The following LRBA variants were observed in gnomAD, a reference collection of about 807,000 sequenced individuals.
LRBA encodes the protein lipopolysaccharide-responsive and beige-like anchor protein.
Under a neutral mutation model 330.0 loss-of-function variants are expected in LRBA, and 176 were observed. The ratio of observed to expected loss-of-function variants is 0.53; its 90% CI spans 0.47 to 0.60. LRBA has a LOEUF of 0.60. Among genes scored for constraint, LRBA ranks in the 20% least tolerant of loss-of-function variants. The pLI is 0.00. For missense variants in LRBA, 3,259 were observed against 3,444.8 expected (o/e 0.95, Z 1.35); for synonymous variants, 1,230 against 1,193.0 (o/e 1.03, Z -0.64).
intron 53 of LRBA, among the ~76,000 whole-genome samples, chr4:150,300,303 C>T (rs1292984216): frequency 6.6e-6 from 1 of 151,986 alleles, no homozygotes; most frequent in Non-Finnish European, 1.5e-5. Flanking sequence ...AGTCAAGATA[C>T]ATTACAATTT....
At chr4:150,935,389 C>G (rs1734988134) in intron 2 of LRBA, among the ~76,000 whole-genome samples, 1 of 151,918 alleles carries the variant, frequency 6.6e-6, no homozygotes, top group Admixed American at 6.6e-5. Flanking sequence ...TTTAAAACAA[C>G]ATTTCTGATA....
intron 2 of LRBA, among the ~76,000 whole-genome samples, chr4:150,945,650 A>G (rs1736159792): frequency 6.6e-6 from 1 of 152,208 alleles, no homozygotes; most frequent in African/African-American, 2.4e-5. Flanking sequence ...GTATATTAAC[A>G]TCATATATAA....
intron 36 of LRBA, among the ~76,000 whole-genome samples, chr4:150,700,341 T>C (rs1409279491): frequency 1.3e-5 from 2 of 152,166 alleles, no homozygotes; most frequent in Non-Finnish European, 2.9e-5. Context: ...TTAAATGTTG[T>C]AGGCAACTAT....
rs1753584820 is a variant in LRBA, at chr4:150,872,770, A to G, written c.2166-15T>C. 7.3e-7 allele frequency: 1 copy of G among 1,363,646 alleles called. No individual in the cohort carries two copies. The highest frequency in any genetic ancestry group is 1.3e-5 in the South Asian group (1 of 79,184). 84.5% of individuals were successfully genotyped at this position (1,363,646 alleles called of 1,614,324 possible). ...TGTAGATAACACTGAATGAATAAAAATTTAAAACAAACTATTTTGAGTATA... is the reference window on the plus strand; with the variant it reads ...TGTAGATAACACTGAATGAATAAAAGTTTAAAACAAACTATTTTGAGTATA... On this transcript the variant is annotated splice_polypyrimidine_tract_variant and intron_variant, in intron 17 of 56. Transcript: ENST00000651943.
In LRBA at chr4:150,906,352, T is replaced by G; in HGVS notation, c.1547A>C (p.Gln516Pro). 1.2e-6 allele frequency: 2 copies of G among 1,612,920 alleles called. No homozygotes were observed. The highest frequency in any genetic ancestry group is 1.7e-6 in the Non-Finnish European group (2 of 1,179,130). The stretch of plus-strand genomic sequence containing the variant: ...GCCCTTACAGGCAAGCATCTGTTCC[T>G]GCATAGCAATTGAGTTCTTCAACAA... ...MELLKNSIAM[Q>P]EQMLACKGFL... The change falls in exon 12 of 57, where the codon CAG becomes CCG. Residue 516 changes from glutamine to proline, a missense_variant. Gln to Pro is a moderately conservative substitution (Grantham distance 76). Coordinates refer to ENST00000651943, the MANE Select transcript of LRBA (RefSeq NM_001364905.1).
In LRBA at chr4:150,852,586, T is replaced by G; in HGVS notation, c.3124A>C (p.Thr1042Pro). ...ACTTCTAAATCATCTGCATTCCTTG[T>G]CTCATTTGTCAGTGTTTCTTCCAAA... The part of the protein sequence containing the change: ...GTLEETLTNE[T>P]RNADDLEVSS... The change falls in exon 23 of 57, where the codon ACA (threonine) becomes CCA (proline). Residue 1042 changes from threonine to proline, a missense_variant. Coordinates refer to ENST00000651943, the MANE Select transcript of LRBA (RefSeq NM_001364905.1). 1.2e-6 allele frequency: 2 copies of G among 1,614,006 alleles called. No individual in the cohort carries two copies. The highest frequency in any genetic ancestry group is 1.7e-6 in the Non-Finnish European group (2 of 1,179,992).
Position 150,653,074 on chromosome 4 carries a change from G to A in LRBA, c.5921+30477C>T, listed in dbSNP as rs997772161. Among the ~76,000 whole-genome samples the A allele has an allele frequency of 2.0e-5, 3 of 152,210 alleles. No individual in the cohort carries two copies. In the South Asian group the frequency reaches 6.2e-4, roughly 32 times the overall value. ...TTAAAAAGAACTGGCCAGGCATGGT[G>A]GCTCACAGCTGTAATTCCAGCACTT... On this transcript the variant is annotated intron_variant, in intron 37 of 56. Coordinates refer to ENST00000651943, the MANE Select transcript of LRBA (RefSeq NM_001364905.1).
Position 151,012,046 on chromosome 4 carries a change from A to AT in LRBA, c.216+2380dup, listed in dbSNP as rs1744915673. 4.6e-5 allele frequency among the ~76,000 whole-genome samples: 7 copies of AT among 152,264 alleles called. No individual in the cohort carries two copies. In the South Asian group the frequency reaches 1.5e-3, roughly 32 times the overall value. On this transcript the variant is annotated intron_variant, in intron 2 of 56. Transcript: ENST00000651943. ...AGCATGAAAAGTATTTTAAGGGACA[A>AT]TGGAAGGGGAGAAACTGCTACCTAA...
intron 9 of LRBA, 89 bp from the exon 10 acceptor site, chr4:150,908,946 A>G: frequency 5.0e-6 from 4 of 801,396 alleles, no homozygotes; most frequent in East Asian, 2.6e-5. Context: ...AAGGAGACAG[A>G]CCATTGATAA....
chr4:150,805,464 A>G (rs1339330448), intron 33 of LRBA, among the ~76,000 whole-genome samples: 7 of 130,510 alleles, frequency 5.4e-5, no homozygotes, highest in Non-Finnish European at 1.2e-4. Flanking sequence ...AAAGGAAAGG[A>G]AAGGAAAGGA....
At chr4:150,436,436 T>C (rs998924277) in intron 45 of LRBA, among the ~76,000 whole-genome samples, 1 of 152,172 alleles carries the variant, frequency 6.6e-6, no homozygotes, top group Non-Finnish European at 1.5e-5. Context: ...ACTTAGTTCT[T>C]ATTTTAATAG....
intron 2 of LRBA, among the ~76,000 whole-genome samples, chr4:151,009,035 A>AT (rs747177449): frequency 0.014 from 1,119 of 82,512 alleles, 30 homozygotes; most frequent in Middle Eastern, 0.041. Context: ...ATAAAATGGT[A>AT]TTTTTTTTTC....
chr4:150,713,798 A>C (rs188632763), intron 36 of LRBA, among the ~76,000 whole-genome samples: 1 of 152,342 alleles, frequency 6.6e-6, no homozygotes, highest in East Asian at 1.9e-4. Context: ...CAATGCTAAC[A>C]GTGAAATAGA....
intron 37 of LRBA, among the ~76,000 whole-genome samples, chr4:150,662,303 G>A (rs1361288293): frequency 6.6e-6 from 1 of 152,176 alleles, no homozygotes; most frequent in Non-Finnish European, 1.5e-5. Flanking sequence ...ATTCGCAGAG[G>A]ATGACAGGTA....
At chr4:150,867,568 G>T (rs1471071262) in intron 22 of LRBA, 103 bp downstream of exon 22, 4 of 771,114 alleles carry the variant, frequency 5.2e-6, no homozygotes, top group Non-Finnish European at 6.0e-6. Flanking sequence ...AAGATAACTT[G>T]CCTTTTTTCC....
intron 34 of LRBA, among the ~76,000 whole-genome samples, chr4:150,779,852 T>G (rs918917052): frequency 7.9e-5 from 12 of 152,148 alleles, no homozygotes; most frequent in Admixed American, 5.9e-4. Flanking sequence ...TACACCAGTT[T>G]AAAAGAATAA....
intron 34 of LRBA, among the ~76,000 whole-genome samples, chr4:150,786,708 AT>A (rs572490558): frequency 1.3e-5 from 2 of 152,312 alleles, no homozygotes; most frequent in South Asian, 4.1e-4. Context: ...GACCAAAAAA[AT>A]ATGTTTAAAA....
At chr4:150,423,590 A>G (rs1405776999) in intron 46 of LRBA, 1 of 338,988 alleles carries the variant, frequency 2.9e-6, no homozygotes, top group East Asian at 7.7e-5. Flanking sequence ...CTGCTTGCCC[A>G]CAAAAGGAGA....
Position 150,828,517 on chromosome 4 carries a change from C to T in LRBA, c.4834G>A (p.Ala1612Thr). 6.2e-7 allele frequency: 1 copy of T among 1,614,098 alleles called. No homozygotes were observed. The highest frequency in any genetic ancestry group is 8.5e-7 in the Non-Finnish European group (1 of 1,179,968). ...RRDSGIGEET[A>T]TGLGSHVEVT... ...TCCACATGGCTTCCTAAACCAGTGGCTGTTTCTTCCCCAATGCCTGAGTCC... is the reference window on the plus strand; with the variant it reads ...TCCACATGGCTTCCTAAACCAGTGGTTGTTTCTTCCCCAATGCCTGAGTCC... The change falls in exon 30 of 57, where the codon GCC becomes ACC. Residue 1612 changes from alanine to threonine, a missense_variant. Coordinates refer to ENST00000651943, the MANE Select transcript of LRBA (RefSeq NM_001364905.1).
Sources: gnomAD v4.1 joint callset for allele counts (sites outside exome capture counted in the v4.1 genomes callset) on GRCh38, gnomAD v4.1.1 for gene constraint, MANE v1.5 for transcripts, NCBI Gene and HGNC (gene_info 2026-07-23, HGNC 2026-07-21) for gene names.